C12orf56: variants seen among roughly 807,000 people sequenced by gnomAD.
C12orf56 encodes chromosome 12 open reading frame 56.
A neutral mutation model predicts 69.9 loss-of-function variants in C12orf56; 71 were observed. That is an observed-to-expected ratio of 1.02 (90% confidence interval 0.84 to 1.24). The LOEUF (loss-of-function observed/expected upper bound fraction) is 1.24. C12orf56 is among the 50% of genes most tolerant of loss of function. The probability of loss-of-function intolerance (pLI) is 0.00; values close to 1 mark genes in which losing one functional copy is unlikely to be tolerated. For missense variants in C12orf56, 732 were observed against 738.5 expected (o/e 0.99, Z 0.10); for synonymous variants, 276 against 274.1 (o/e 1.01, Z -0.07).
At chr12:64,332,954 GA>G (rs2038950598) in intron 2 of C12orf56, among the ~76,000 whole-genome samples, 1 of 152,246 alleles carries the variant, frequency 6.6e-6, no homozygotes, top group Non-Finnish European at 1.5e-5. Context: ...AAGATAGGCA[GA>G]ATCAGTTTTT....
chr12:64,352,848 A>AC (rs767238277), intron 2 of C12orf56, 46 bp downstream of exon 2: 15 of 1,449,090 alleles, frequency 1.0e-5, no homozygotes, highest in Non-Finnish European at 1.4e-5. Context: ...ATATATATAT[A>AC]CTTTTTTTTT....
rs151185457 is a variant in C12orf56, at chr12:64,276,103, G to C, written c.1435-731C>G. 5.0e-3 allele frequency among the ~76,000 whole-genome samples: 755 copies of C among 151,986 alleles called. 5 individuals carry two copies. The highest frequency in any genetic ancestry group is 0.017 in the African/African-American group (711 of 41,464). Reference sequence around the variant, plus strand: ...GTGGGATGGATAAATAGAGGGTTTAGAGATACTTCATTCCTCTCAAGAATT... The same window carrying C: ...GTGGGATGGATAAATAGAGGGTTTACAGATACTTCATTCCTCTCAAGAATT... On this transcript the variant is annotated intron_variant, in intron 9 of 12. Coordinates refer to ENST00000543942, the MANE Select transcript of C12orf56 (RefSeq NM_001170633.2).
chr12:64,316,113 T>C (rs1270141642), intron 4 of C12orf56, among the ~76,000 whole-genome samples: 1 of 152,052 alleles, frequency 6.6e-6, no homozygotes, highest in East Asian at 1.9e-4. Flanking sequence ...TTATTTTATA[T>C]ATTTTTTTTC....
chr12:64,323,115 T>G (rs2038793030), intron 3 of C12orf56, among the ~76,000 whole-genome samples: 1 of 152,192 alleles, frequency 6.6e-6, no homozygotes, highest in Non-Finnish European at 1.5e-5. Flanking sequence ...AGTCAGTGAC[T>G]CGTGTGCTGC....
At chr12:64,390,234 G>T in intron 1 of C12orf56, 80 bp downstream of exon 1, 1 of 1,466,042 alleles carries the variant, frequency 6.8e-7, no homozygotes, top group Non-Finnish European at 9.0e-7. Context: ...CCCTCCCCGC[G>T]CAGGAGGGCT....
At chr12:64,325,069 C>A (rs1218572655) in intron 3 of C12orf56, among the ~76,000 whole-genome samples, 1 of 152,100 alleles carries the variant, frequency 6.6e-6, no homozygotes, top group Non-Finnish European at 1.5e-5. Flanking sequence ...CTGTACTCTC[C>A]ACGAGCCCTT....
At chr12:64,317,001 T>A (rs921710051) in intron 4 of C12orf56, among the ~76,000 whole-genome samples, 2 of 152,250 alleles carry the variant, frequency 1.3e-5, no homozygotes, top group African/African-American at 2.4e-5. Context: ...AACAGTTATT[T>A]TGAAGTATTC....
intron 2 of C12orf56, among the ~76,000 whole-genome samples, chr12:64,334,685 G>A (rs894486200): frequency 1.3e-5 from 2 of 152,114 alleles, no homozygotes; most frequent in South Asian, 2.1e-4. Flanking sequence ...CACGACTATG[G>A]AGAGCCAATA....
At position 64,266,846 on chromosome 12, in the gene C12orf56, A is replaced by C. The variant is rs2037924212; in HGVS notation, c.*337T>G. On this transcript the variant is annotated 3_prime_UTR_variant, in exon 13 of 13. Coordinates refer to ENST00000543942, the MANE Select transcript of C12orf56 (RefSeq NM_001170633.2). ...GCTAAGGTGGAAGAGAAGTGAGTAC[A>C]GCTTTCCTAAATCCCTGCATTCCTT... 3.1e-6 allele frequency: 1 copy of C among 318,764 alleles called. No homozygotes were observed. The highest frequency in any genetic ancestry group is 2.2e-5 in the African/African-American group (1 of 45,808). 19.7% of individuals were successfully genotyped at this position (318,764 alleles called of 1,614,324 possible).
Position 64,353,064 on chromosome 12 carries a change from A to G in C12orf56, c.253-8T>C. The G allele has an allele frequency of 6.2e-7, 1 of 1,610,210 alleles. No individual in the cohort carries two copies. The highest frequency in any genetic ancestry group is 8.5e-7 in the Non-Finnish European group (1 of 1,178,900). On this transcript the variant is annotated splice_region_variant and splice_polypyrimidine_tract_variant and intron_variant, in intron 1 of 12. Transcript: ENST00000543942. ...TTCCGGGTAATCATCAATCTGGAAA[A>G]AAAATTAATTCACCTCATTGAAGAC...
rs1447561523 is a variant in C12orf56, at chr12:64,390,325, C to T, written c.241G>A (p.Ala81Thr). 1 of 1,609,300 alleles carries T rather than the reference C, an allele frequency of 6.2e-7. No homozygotes were observed. The highest frequency in any genetic ancestry group is 1.7e-5 in the Admixed American group (1 of 59,822). Residue 81 changes from alanine to threonine, a missense_variant, in exon 1 of 13, where the codon GCC (alanine) becomes ACC (threonine). Transcript: ENST00000543942. ...RRVVALRDVV[A>T]IDLIDDYPEF... ...CCCGCGCCGCTCACCAGGTCAATGG[C>T]CACGACGTCCCGCAGAGCCACTACC...
intron 2 of C12orf56, among the ~76,000 whole-genome samples, chr12:64,337,870 A>G (rs1346085631): frequency 6.6e-6 from 1 of 151,866 alleles, no homozygotes; most frequent in Non-Finnish European, 1.5e-5. Context: ...AAAAAAAAAA[A>G]AAAACACCAG....
At chr12:64,308,659 A>G (rs1220188489) in intron 5 of C12orf56, among the ~76,000 whole-genome samples, 5 of 151,770 alleles carry the variant, frequency 3.3e-5, no homozygotes, top group African/African-American at 2.4e-5. Context: ...CCTGGCCAAC[A>G]TGGTGAAACC....
chr12:64,383,906 G>C (rs992245405), intron 1 of C12orf56, among the ~76,000 whole-genome samples: 2 of 152,282 alleles, frequency 1.3e-5, no homozygotes, highest in Admixed American at 1.3e-4. Context: ...CTAAGTATAA[G>C]GCTGTGAGCT....
At chr12:64,338,876 C>A (rs2039033917) in intron 2 of C12orf56, 1 of 642,844 alleles carries the variant, frequency 1.6e-6, no homozygotes, top group South Asian at 1.8e-5. Context: ...CAGAGGAAAC[C>A]CCTGTGCAGA....
At chr12:64,367,236 A>AAC (rs1480511235) in intron 1 of C12orf56, among the ~76,000 whole-genome samples, 1 of 130,348 alleles carries the variant, frequency 7.7e-6, no homozygotes, top group African/African-American at 2.9e-5. Context: ...TATTATATGT[A>AAC]ATATACAGTT....
intron 5 of C12orf56, among the ~76,000 whole-genome samples, chr12:64,307,599 C>T (rs1382035429): frequency 1.3e-5 from 2 of 151,954 alleles, no homozygotes; most frequent in African/African-American, 4.8e-5. Context: ...GAACTCCTGA[C>T]CTCAAACGAT....
intron 6 of C12orf56, among the ~76,000 whole-genome samples, chr12:64,295,820 CTATAATA>C (rs1351399280): frequency 8.0e-5 from 12 of 150,652 alleles, no homozygotes; most frequent in Admixed American, 7.3e-4. Context: ...ATTTTTATAT[CTATAATA>C]TATATCACTC....
intron 12 of C12orf56, among the ~76,000 whole-genome samples, chr12:64,268,071 G>C (rs1157501587): frequency 2.0e-5 from 3 of 152,144 alleles, no homozygotes; most frequent in Non-Finnish European, 4.4e-5. Flanking sequence ...AATGATTTCG[G>C]ATTTTGGAGC....
Sources: allele counts gnomAD v4.1 joint callset (sites outside exome capture counted in the v4.1 genomes callset), GRCh38; gene constraint gnomAD v4.1.1; transcripts MANE v1.5; gene names NCBI Gene and HGNC (gene_info 2026-07-23, HGNC 2026-07-21).